The following PRKN variants were observed in gnomAD, a reference collection of about 807,000 sequenced individuals.
PRKN encodes parkin RBR E3 ubiquitin protein ligase.
A neutral mutation model predicts 59.5 loss-of-function variants in PRKN; 56 were observed. That is an observed-to-expected ratio of 0.94 (90% CI 0.76 to 1.18). The LOEUF (loss-of-function observed/expected upper bound fraction) is 1.18, where lower values mean the gene tolerates loss of function less well. PRKN is among the 50% of genes most tolerant of loss of function. The probability of loss-of-function intolerance (pLI) is 0.00; values close to 1 mark genes in which losing one functional copy is unlikely to be tolerated. For missense variants in PRKN, 657 were observed against 596.4 expected (o/e 1.10, Z -1.06); for synonymous variants, 250 against 222.1 (o/e 1.13, Z -1.12).
At chr6:161,699,887 T>A (rs1331028671) in intron 7 of PRKN, among the ~76,000 whole-genome samples, 1 of 152,168 alleles carries the variant, frequency 6.6e-6, no homozygotes, top group Non-Finnish European at 1.5e-5. Context: ...CCAAATTACA[T>A]AATCCTTTGT....
At chr6:162,692,793 C>T (rs1347909854) in intron 1 of PRKN, among the ~76,000 whole-genome samples, 1 of 152,148 alleles carries the variant, frequency 6.6e-6, no homozygotes, top group African/African-American at 2.4e-5. Context: ...TATATTAAGC[C>T]ATAACTGTGT....
intron 6 of PRKN, among the ~76,000 whole-genome samples, chr6:161,898,003 A>G (rs1777722798): frequency 6.7e-6 from 1 of 149,634 alleles, no homozygotes; most frequent in Non-Finnish European, 1.5e-5. Context: ...GTTGCATAGA[A>G]AAGGTTTTTC....
chr6:162,092,375 A>T (rs1439346233), intron 4 of PRKN, among the ~76,000 whole-genome samples: 1 of 125,208 alleles, frequency 8.0e-6, no homozygotes, highest in African/African-American at 3.4e-5. Context: ...AAAAAAATGA[A>T]AAAAAAGTTT....
At chr6:162,251,892 T>A (rs1779450458) in intron 3 of PRKN, among the ~76,000 whole-genome samples, 1 of 152,328 alleles carries the variant, frequency 6.6e-6, no homozygotes, top group Middle Eastern at 3.4e-3. Context: ...TTGTACCTCT[T>A]GATAGTTTTC....
chr6:162,270,988 C>A (rs927809434), intron 2 of PRKN, among the ~76,000 whole-genome samples: 7 of 150,738 alleles, frequency 4.6e-5, no homozygotes, highest in African/African-American at 1.7e-4. Context: ...ACTACAGGCA[C>A]ACGCCACTAC....
intron 3 of PRKN, among the ~76,000 whole-genome samples, chr6:162,218,936 G>A (rs1272194261): frequency 6.6e-6 from 1 of 152,128 alleles, no homozygotes; most frequent in Non-Finnish European, 1.5e-5. Flanking sequence ...CACTTTGAGA[G>A]GCCAAGAAAG....
chr6:162,302,926 C>T (rs973323090), intron 2 of PRKN, among the ~76,000 whole-genome samples: 2 of 148,968 alleles, frequency 1.3e-5, no homozygotes, highest in Admixed American at 6.7e-5. Flanking sequence ...TATCATAATG[C>T]TAAGGGCCTA....
At chr6:162,087,752 C>A (rs1241875856) in intron 4 of PRKN, among the ~76,000 whole-genome samples, 1 of 151,946 alleles carries the variant, frequency 6.6e-6, no homozygotes, top group Non-Finnish European at 1.5e-5. Context: ...CGCCACCACG[C>A]CCAGCTAATT....
intron 3 of PRKN, among the ~76,000 whole-genome samples, chr6:162,233,854 T>G (rs1245636805): frequency 6.6e-6 from 1 of 152,170 alleles, no homozygotes; most frequent in Non-Finnish European, 1.5e-5. Flanking sequence ...GCTCTTGTCC[T>G]CTAACCATGT....
intron 2 of PRKN, among the ~76,000 whole-genome samples, chr6:162,318,140 G>A (rs974259478): frequency 6.6e-6 from 1 of 151,940 alleles, no homozygotes; most frequent in African/African-American, 2.4e-5. Flanking sequence ...TTGACTACTT[G>A]AGTATCTCAT....
chr6:162,218,207 GCT>G (rs1777779406), intron 3 of PRKN, among the ~76,000 whole-genome samples: 1 of 152,184 alleles, frequency 6.6e-6, no homozygotes, highest in South Asian at 2.1e-4. Context: ...TGACCAGGCC[GCT>G]CCCTGCGGAA....
chr6:162,234,648 T>A (rs1187439971), intron 3 of PRKN, among the ~76,000 whole-genome samples: 1 of 152,200 alleles, frequency 6.6e-6, no homozygotes, highest in Non-Finnish European at 1.5e-5. Flanking sequence ...CTAATACTTT[T>A]CATATTTATT....
At position 162,201,268 on chromosome 6, in the gene PRKN, C is replaced by T; in HGVS notation, c.413-16G>A. 6.2e-7 allele frequency: 1 copy of T among 1,613,354 alleles called. No individual in the cohort carries two copies. The highest frequency in any genetic ancestry group is 8.5e-7 in the Non-Finnish European group (1 of 1,179,368). On this transcript the variant is annotated splice_polypyrimidine_tract_variant and intron_variant, in intron 3 of 11. Coordinates refer to ENST00000366898, the MANE Select transcript of PRKN (RefSeq NM_004562.3). ...GATCTACCTGCTGGAGAAGAAAAAGCAGAAGAAGTGGCTAATAATGCTGCA... is the reference window on the plus strand; with the variant it reads ...GATCTACCTGCTGGAGAAGAAAAAGTAGAAGAAGTGGCTAATAATGCTGCA...
chr6:161,570,921 C>T (rs1197809797), intron 7 of PRKN, among the ~76,000 whole-genome samples: 8 of 152,012 alleles, frequency 5.3e-5, no homozygotes, highest in Admixed American at 4.6e-4. Flanking sequence ...AACTATTCCT[C>T]GATATTAGGT....
Position 161,552,787 on chromosome 6 carries a change from G to GTTGTTTT in PRKN, c.934-3785_934-3784insAAAACAA, listed in dbSNP as rs1554275446. Among the ~76,000 whole-genome samples, 21 of 86,482 alleles carry GTTGTTTT rather than the reference G, an allele frequency of 2.4e-4. 2 individuals are homozygous for GTTGTTTT. Among genetic ancestry groups the GTTGTTTT allele is most frequent in the East Asian group, 5.1e-4 (1 of 1,944 alleles). 56.7% of individuals were successfully genotyped at this position (86,482 alleles called of 152,430 possible). On this transcript the variant is annotated intron_variant, in intron 8 of 11. Transcript: ENST00000366898. The surrounding 1 kb of genome is among the most constrained non-coding windows in gnomAD (Gnocchi z 4.9). ...TAAAAGACACCATGGTTTTGTTGTTGTTTTTGTTTTTTGTTTTTTTTTTTT... is the reference window on the plus strand; with the variant it reads ...TAAAAGACACCATGGTTTTGTTGTTGTTGTTTTTTTTTGTTTTTTGTTTTTTTTTTTT...
rs140150103 is a variant in PRKN, at chr6:162,138,029, G to C, written c.534+63102C>G. Among the ~76,000 whole-genome samples, 566 of 152,194 alleles carry C rather than the reference G, an allele frequency of 3.7e-3. 9 individuals carry two copies. Among genetic ancestry groups the C allele is most frequent in the African/African-American group, 0.013 (532 of 41,536 alleles). On this transcript the variant is annotated intron_variant, in intron 4 of 11. Coordinates refer to ENST00000366898, the MANE Select transcript of PRKN (RefSeq NM_004562.3). Reference sequence around the variant, plus strand: ...GAAGGGAGACACCAAACAAAGCCTAGAAGTCTCGGTGAACTGGGGAACCAC... The same window carrying C: ...GAAGGGAGACACCAAACAAAGCCTACAAGTCTCGGTGAACTGGGGAACCAC...
At chr6:162,190,962 A>C (rs1784252782) in intron 4 of PRKN, among the ~76,000 whole-genome samples, 1 of 150,706 alleles carries the variant, frequency 6.6e-6, no homozygotes, top group Admixed American at 6.6e-5. Flanking sequence ...CACTCTGCAG[A>C]GACTCAGGAA....
intron 7 of PRKN, among the ~76,000 whole-genome samples, chr6:161,623,804 G>A (rs1022167226): frequency 6.6e-6 from 1 of 152,154 alleles, no homozygotes; most frequent in Non-Finnish European, 1.5e-5. Flanking sequence ...CAGAAAACAT[G>A]GCTTTGGCTA....
chr6:161,850,590 A>C (rs1349908884), intron 6 of PRKN, among the ~76,000 whole-genome samples: 1 of 151,864 alleles, frequency 6.6e-6, no homozygotes, highest in Non-Finnish European at 1.5e-5. Context: ...AAAAAAAAAA[A>C]AAAACTCTAC....
Sources: gnomAD v4.1 joint callset for allele counts (sites outside exome capture counted in the v4.1 genomes callset) on GRCh38, gnomAD v4.1.1 for gene constraint, Gnocchi (gnomAD v3.1) non-coding constraint, MANE v1.5 for transcripts, NCBI Gene and HGNC (gene_info 2026-07-23, HGNC 2026-07-21) for gene names.